Variants in ARB2A observed in about 807,000 individuals in gnomAD.
The protein encoded by ARB2A is ARB2 cotranscriptional regulator A, also known as cotranscriptional regulator ARB2A.
chr5:93,791,403 C>G, the ARB2A span, among the ~76,000 whole-genome samples: 3 of 152,188 alleles, frequency 2.0e-5, no homozygotes, highest in Non-Finnish European at 4.4e-5. Flanking sequence ...CTGTTCAATG[C>G]TTAGCAATTT....
chr5:93,711,816 A>G, the ARB2A span, among the ~76,000 whole-genome samples: 1 of 152,254 alleles, frequency 6.6e-6, no homozygotes, highest in Non-Finnish European at 1.5e-5. Context: ...CAGTAGAAGG[A>G]CAGAAACCCA....
the ARB2A span, among the ~76,000 whole-genome samples, chr5:94,011,571 G>A: frequency 9.9e-5 from 15 of 152,204 alleles, no homozygotes; most frequent in Admixed American, 4.6e-4. Context: ...TAAAGTGGAC[G>A]CAACATGGGC....
chr5:93,848,059 G>A, the ARB2A span, among the ~76,000 whole-genome samples: 2 of 152,084 alleles, frequency 1.3e-5, no homozygotes, highest in Non-Finnish European at 2.9e-5. Context: ...CAAAATCATC[G>A]AAACTGAAAT....
chr5:94,105,487 A>G, the ARB2A span, among the ~76,000 whole-genome samples: 2 of 151,758 alleles, frequency 1.3e-5, no homozygotes, highest in African/African-American at 4.8e-5. Flanking sequence ...AATCGGAAAC[A>G]ACACAAATGG....
At chr5:93,990,620 T>TA in the ARB2A span, among the ~76,000 whole-genome samples, 58,568 of 75,162 alleles carry the variant, frequency 0.78, 24,210 homozygotes, top group East Asian at 0.93. Context: ...CTACCATGAG[T>TA]AAAAAAAAAA....
the ARB2A span, among the ~76,000 whole-genome samples, chr5:93,781,485 T>C: frequency 6.6e-6 from 1 of 152,204 alleles, no homozygotes; most frequent in African/African-American, 2.4e-5. Context: ...TGAATAGCAC[T>C]GCGATAAACA....
the ARB2A span, among the ~76,000 whole-genome samples, chr5:94,000,267 G>A: frequency 7.2e-5 from 11 of 152,018 alleles, no homozygotes; most frequent in Non-Finnish European, 1.3e-4. Flanking sequence ...GAAACATTTT[G>A]CATTCTTACC....
the ARB2A span, among the ~76,000 whole-genome samples, chr5:94,074,228 G>A: frequency 1.3e-5 from 2 of 151,976 alleles, no homozygotes; most frequent in African/African-American, 4.8e-5. Context: ...CTTCCAAAAC[G>A]TTAACATGTA....
chr5:93,843,814 G>T, the ARB2A span, among the ~76,000 whole-genome samples: 1 of 151,982 alleles, frequency 6.6e-6, no homozygotes, highest in Non-Finnish European at 1.5e-5. Context: ...AATAAACCAG[G>T]TAAGTCTAGG....
the ARB2A span, among the ~76,000 whole-genome samples, chr5:93,741,930 A>G: frequency 1.3e-5 from 2 of 152,004 alleles, no homozygotes; most frequent in African/African-American, 4.8e-5. Context: ...CCCAGGAGCT[A>G]CCTAACCTCT....
the ARB2A span, among the ~76,000 whole-genome samples, chr5:93,772,478 A>T: frequency 7.1e-4 from 107 of 151,706 alleles, no homozygotes; most frequent in East Asian, 1.9e-3. Context: ...AAAAAAATTT[A>T]AAAAAAAAGA....
the ARB2A span, among the ~76,000 whole-genome samples, chr5:93,657,827 A>G: frequency 2.6e-5 from 4 of 152,328 alleles, no homozygotes; most frequent in Admixed American, 2.6e-4. Flanking sequence ...ACATTGCATT[A>G]CAAACTTTGA....
the ARB2A span, among the ~76,000 whole-genome samples, chr5:94,024,580 A>G: frequency 6.6e-6 from 1 of 152,058 alleles, no homozygotes; most frequent in Non-Finnish European, 1.5e-5. Context: ...CCACCACCAC[A>G]CACCTAGTAA....
the ARB2A span, chr5:93,911,052 G>A: frequency 6.6e-6 from 1 of 151,464 alleles, no homozygotes; most frequent in Admixed American, 6.6e-5. Flanking sequence ...TCCTCTCATT[G>A]TTGTTTAACA....
chr5:93,811,069 TTA>T, the ARB2A span, among the ~76,000 whole-genome samples: 38 of 152,112 alleles, frequency 2.5e-4, no homozygotes, highest in Non-Finnish European at 4.6e-4. Flanking sequence ...CAGGTGTAAC[TTA>T]TGGATATGGA....
chr5:93,784,546 T>A, the ARB2A span: 1 of 1,436,518 alleles, frequency 7.0e-7, no homozygotes, highest in Non-Finnish European at 9.8e-7. Context: ...TTGTTTTTCC[T>A]ACTGGGTGCA....
the ARB2A span, among the ~76,000 whole-genome samples, chr5:93,642,493 T>A: frequency 6.6e-6 from 1 of 152,112 alleles, no homozygotes; most frequent in Non-Finnish European, 1.5e-5. Context: ...TACCTCAGCC[T>A]CCCAAGTAGC....
At chr5:94,000,825 C>A in the ARB2A span, among the ~76,000 whole-genome samples, 1 of 151,956 alleles carries the variant, frequency 6.6e-6, no homozygotes, top group Non-Finnish European at 1.5e-5. Context: ...TTAATTTCTG[C>A]AAAAGGCATA....
the ARB2A span, among the ~76,000 whole-genome samples, chr5:93,729,835 C>T: frequency 1.3e-5 from 2 of 152,074 alleles, no homozygotes; most frequent in Non-Finnish European, 2.9e-5. Flanking sequence ...CCACTGAATA[C>T]ATGGAATCGT....
Sources: allele counts gnomAD v4.1 joint callset (sites outside exome capture counted in the v4.1 genomes callset), GRCh38; gene constraint gnomAD v4.1.1; transcripts MANE v1.5; gene names NCBI Gene and HGNC (gene_info 2026-07-23, HGNC 2026-07-21).